UGT2A1: variants seen among roughly 807,000 people sequenced by gnomAD.
UGT2A1 encodes UDP-glucuronosyltransferase 2A1.
A neutral mutation model predicts 45.4 loss-of-function variants in UGT2A1; 61 were observed. The observed-to-expected ratio is 1.34, with a 90% CI of 1.09 to 1.66. The LOEUF (loss-of-function observed/expected upper bound fraction) is 1.66, where lower values mean the gene tolerates loss of function less well. UGT2A1 is among the 40% of genes most tolerant of loss of function. The pLI is 0.00. For missense variants in UGT2A1, 649 were observed against 574.3 expected, an observed-to-expected ratio of 1.13 and a Z score of -1.33; for synonymous variants, 229 against 196.2, an observed-to-expected ratio of 1.17 and a Z score of -1.40.
chr4:69,623,595 GACAT>G (rs1375967269), intron 3 of UGT2A1, among the ~76,000 whole-genome samples: 1 of 151,054 alleles, frequency 6.6e-6, no homozygotes, highest in African/African-American at 2.4e-5. Context: ...AATGTACAAA[GACAT>G]ACAACAGATG....
Position 69,635,735 on chromosome 4 carries a change from G to C in UGT2A1, c.803C>G (p.Ser268Cys). 1 of 247,228 alleles carries C rather than the reference G, an allele frequency of 4.0e-6. No individual in the cohort carries two copies. Among genetic ancestry groups the C allele is most frequent in the Non-Finnish European group, 8.3e-6 (1 of 120,288 alleles). 15.3% of individuals were successfully genotyped at this position (247,228 alleles called of 1,614,324 possible). A position where few individuals can be genotyped will look rare whatever the true frequency, so the allele number is the denominator to read the frequency against. Residue 268 changes from serine to cysteine, a missense_variant, in exon 3 of 7, where the codon TCC becomes TGC. Transcript: ENST00000286604. The stretch of plus-strand genomic sequence containing the variant: ...CCAACTACAATGGAGGCTGAGGCGG[G>C]AGAATCGCTTGAACCCGGGAAGCAG... ...QPLLPGFKRF[S>C]RLSLHCSWDY...
At chr4:69,596,947 C>T (rs535882085) in intron 4 of UGT2A1, among the ~76,000 whole-genome samples, 10 of 152,300 alleles carry the variant, frequency 6.6e-5, no homozygotes, top group Non-Finnish European at 1.2e-4. Context: ...AGGGACAACT[C>T]TTCTCATGCT....
intron 3 of UGT2A1, among the ~76,000 whole-genome samples, chr4:69,629,913 G>A (rs1383031997): frequency 6.6e-6 from 1 of 151,854 alleles, no homozygotes; most frequent in Non-Finnish European, 1.5e-5. Flanking sequence ...GAATATTTTG[G>A]TAAAACAAAA....
chr4:69,612,383 A>G (rs1210149574), intron 3 of UGT2A1, among the ~76,000 whole-genome samples: 1 of 152,152 alleles, frequency 6.6e-6, no homozygotes, highest in East Asian at 1.9e-4. Context: ...ATCATCACAT[A>G]ATTAGATAAA....
intron 2 of UGT2A1, chr4:69,639,693 C>A: frequency 1.4e-6 from 2 of 1,472,868 alleles, no homozygotes; most frequent in South Asian, 1.5e-5. Flanking sequence ...ATATTTAGGT[C>A]AATTTTTAAA....
At chr4:69,650,841 C>T (rs557271770) in intron 1 of UGT2A1, among the ~76,000 whole-genome samples, 2 of 152,014 alleles carry the variant, frequency 1.3e-5, no homozygotes, top group East Asian at 3.9e-4. Context: ...TTACTTCCAG[C>T]TTTTTGGGGG....
At chr4:69,639,590 C>G (rs753319227) in intron 2 of UGT2A1, 1 of 1,609,256 alleles carries the variant, frequency 6.2e-7, no homozygotes, top group Non-Finnish European at 8.5e-7. Context: ...AATTAAAAAC[C>G]AGCATCTGGA....
chr4:69,611,473 A>C (rs886293129), intron 3 of UGT2A1, among the ~76,000 whole-genome samples: 1 of 152,070 alleles, frequency 6.6e-6, no homozygotes, highest in African/African-American at 2.4e-5. Context: ...ATGTATGCAC[A>C]CACTATGACA....
At chr4:69,601,605 C>T (rs2109895431) in intron 3 of UGT2A1, among the ~76,000 whole-genome samples, 1 of 152,222 alleles carries the variant, frequency 6.6e-6, no homozygotes, top group Non-Finnish European at 1.5e-5. Context: ...ACCAGGAGGT[C>T]CTGAGTTTGT....
rs1721642678 is a variant in UGT2A1 at position 69,635,732 on chromosome 4, C to CA, written c.805_806insT (p.Arg269LeufsTer7). ...ATCCCAACTACAATGGAGGCTGAGG[C>CA]GGGAGAATCGCTTGAACCCGGGAAG... On this transcript the variant is annotated frameshift_variant, in exon 3 of 7. Coordinates refer to ENST00000286604, the MANE Select transcript of UGT2A1 (RefSeq NM_001252275.3). LOFTEE classifies it high-confidence loss of function. 3.9e-6 allele frequency: 1 copy of CA among 254,072 alleles called. No individual in the cohort carries two copies. Among genetic ancestry groups the CA allele is most frequent in the African/African-American group, 2.4e-5 (1 of 41,644 alleles). The allele number at this position is 254,072 out of a possible 1,614,324, so 15.7% of individuals were successfully genotyped here.
rs151326445 is a variant in UGT2A1, at chr4:69,647,260, C to G, written c.385G>C (p.Val129Leu). Residue 129 changes from valine to leucine, a missense_variant, in exon 2 of 7, where the codon GTT becomes CTT. Val to Leu is a conservative substitution (Grantham distance 32). Transcript: ENST00000286604. ...HMVSQEICDGVLKNQQLMAKL... is the reference protein window; with the variant it reads ...HMVSQEICDGLLKNQQLMAKL... ...GCCATCAGCTGTTGGTTTTTAAGAA[C>G]GCCATCACAGATCTCCTGAGACACC... is the stretch of plus-strand genomic sequence containing the variant. 9.9e-6 allele frequency: 16 copies of G among 1,613,334 alleles called. No homozygotes were observed. Among genetic ancestry groups the G allele is most frequent in the Non-Finnish European group, 1.4e-5 (16 of 1,179,514 alleles).
rs1290202844 is a variant in UGT2A1, at chr4:69,647,221, T to A, written c.424A>T (p.Ser142Cys). 3 of 1,613,180 alleles carry A rather than the reference T, an allele frequency of 1.9e-6. No individual in the cohort carries two copies. In the African/African-American group the frequency reaches 4.0e-5, roughly 22 times the overall value. The change falls in exon 2 of 7, where the codon AGC becomes TGC. Residue 142 changes from serine to cysteine, a missense_variant. Coordinates refer to ENST00000286604, the MANE Select transcript of UGT2A1 (RefSeq NM_001252275.3). ...TCAGACACCAGGACTTCAAACTTGCTTTTCTTTAGCTTTGCCATCAGCTGT... is the reference window on the plus strand; with the variant it reads ...TCAGACACCAGGACTTCAAACTTGCATTTCTTTAGCTTTGCCATCAGCTGT... The part of the protein sequence containing the change: ...NQQLMAKLKK[S>C]KFEVLVSDPV...
intron 3 of UGT2A1, among the ~76,000 whole-genome samples, chr4:69,620,102 C>T (rs1720655246): frequency 6.6e-6 from 1 of 152,000 alleles, no homozygotes; most frequent in Non-Finnish European, 1.5e-5. Context: ...CTCACTACTC[C>T]TATTCAACAT....
At position 69,647,577 on chromosome 4, in the gene UGT2A1, A is replaced by G. The variant is rs1375743312; in HGVS notation, c.68T>C (p.Val23Ala). The change falls in exon 2 of 7, where the codon GTT becomes GCT. Residue 23 changes from valine (V) to alanine (A), a missense_variant. Val to Ala is a moderately conservative substitution (Grantham distance 64). Transcript: ENST00000286604. ...SLIGTTLGGNVLIWPMEGSHW... is the reference protein window; with the variant it reads ...SLIGTTLGGNALIWPMEGSHW... ...ACTACCTTCCATTGGCCAAATCAAAACATTCCCACCAAGAGTGGTTCCTAT... is the reference window on the plus strand; with the variant it reads ...ACTACCTTCCATTGGCCAAATCAAAGCATTCCCACCAAGAGTGGTTCCTAT... 6.2e-7 allele frequency: 1 copy of G among 1,610,760 alleles called. No homozygotes were observed. The highest frequency in any genetic ancestry group is 2.2e-5 in the East Asian group (1 of 44,818).
intron 1 of UGT2A1, among the ~76,000 whole-genome samples, chr4:69,652,375 C>T (rs1722568932): frequency 1.4e-5 from 2 of 144,798 alleles, no homozygotes; most frequent in East Asian, 4.1e-4. Flanking sequence ...CCTCCATTTC[C>T]CGGGTTCAAG....
intron 1 of UGT2A1, among the ~76,000 whole-genome samples, chr4:69,650,201 T>C (rs1376243599): frequency 1.3e-5 from 2 of 152,140 alleles, no homozygotes; most frequent in Non-Finnish European, 2.9e-5. Flanking sequence ...ATACCTCAGA[T>C]AGGGAGACTG....
chr4:69,635,002 G>A (rs997862144), intron 3 of UGT2A1, among the ~76,000 whole-genome samples: 30 of 152,132 alleles, frequency 2.0e-4, no homozygotes, highest in Non-Finnish European at 3.4e-4. Context: ...GGAAATGCTT[G>A]AGGGGATGGA....
intron 3 of UGT2A1, among the ~76,000 whole-genome samples, chr4:69,625,834 A>C (rs575455712): frequency 5.3e-5 from 8 of 151,736 alleles, no homozygotes; most frequent in African/African-American, 1.7e-4. Context: ...TAGTCTTGTA[A>C]GTTGTCCAAC....
rs184114718 is a variant in UGT2A1, at chr4:69,604,507, A to C, written c.848-5113T>G. ...ACCATCGAGGCTAGGAAGAAACTGC[A>C]TCAACTAATGAGCAAAATAACTAGC... On this transcript the variant is annotated intron_variant, in intron 3 of 6. Transcript: ENST00000286604. Among the ~76,000 whole-genome samples, 793 of 136,942 alleles carry C rather than the reference A, an allele frequency of 5.8e-3. 182 individuals are homozygous for C. Among genetic ancestry groups the C allele is most frequent in the African/African-American group, 0.022 (730 of 33,894 alleles). 89.8% of individuals were successfully genotyped at this position (136,942 alleles called of 152,430 possible).
Sources: gnomAD v4.1 joint callset for allele counts (sites outside exome capture counted in the v4.1 genomes callset) on GRCh38, gnomAD v4.1.1 for gene constraint, MANE v1.5 for transcripts, NCBI Gene and HGNC (gene_info 2026-07-23, HGNC 2026-07-21) for gene names.